Variants in IPO5 observed in about 807,000 individuals in gnomAD.
The protein encoded by IPO5 is importin-5.
In IPO5, 18 loss-of-function variants were observed where a neutral mutation model predicts 143.3. That is an observed-to-expected ratio of 0.13 (90% CI 0.09 to 0.19). The LOEUF is 0.19. IPO5 is among the 10% of genes least tolerant of loss of function. The probability of loss-of-function intolerance (pLI) is 1.00; values close to 1 mark genes in which losing one functional copy is unlikely to be tolerated. For synonymous variants in IPO5, 477 were observed against 465.7 expected (o/e 1.02, Z -0.31); for missense variants, 1,013 against 1,336.9 (o/e 0.76, Z 3.78).
chr13:98,015,060 A>G (rs370473222), intron 22 of IPO5, among the ~76,000 whole-genome samples: 204 of 152,130 alleles, frequency 1.3e-3, no homozygotes, highest in African/African-American at 4.7e-3. Flanking sequence ...GTTTCTCAGC[A>G]TCTTTATATG....
intron 6 of IPO5, among the ~76,000 whole-genome samples, chr13:97,988,526 G>A (rs571319606): frequency 2.1e-4 from 32 of 152,318 alleles, no homozygotes; most frequent in Middle Eastern, 3.4e-3. Context: ...GGTGGCTCAC[G>A]CCTGTAATCC....
intron 22 of IPO5, among the ~76,000 whole-genome samples, chr13:98,014,528 T>G (rs943690106): frequency 3.3e-5 from 5 of 152,258 alleles, no homozygotes; most frequent in African/African-American, 1.2e-4. Flanking sequence ...GTGCTGGGAT[T>G]GCAGATGTAA....
chr13:98,012,427 T>C, intron 21 of IPO5, 85 bp downstream of exon 21: 1 of 826,232 alleles, frequency 1.2e-6, no homozygotes, highest in Non-Finnish European at 2.1e-6. Flanking sequence ...TTGACTGAAG[T>C]AGACTTCACC....
At position 97,968,033 on chromosome 13, in the gene IPO5, C is replaced by G. The variant is rs1347828959; in HGVS notation, c.-112-1690C>G. On this transcript the variant is annotated intron_variant, in intron 2 of 28. Coordinates refer to ENST00000651721, the MANE Select transcript of IPO5 (RefSeq NM_002271.6). ...AATGCAGTGGTGCGATCATTGCTCA[C>G]TGTAACTTTGAATTCCTGGGCTCAA... is the stretch of plus-strand genomic sequence containing the variant. Among the ~76,000 whole-genome samples the G allele has an allele frequency of 3.3e-5, 5 of 152,154 alleles. No individual in the cohort carries two copies. In the East Asian group the frequency reaches 9.6e-4, roughly 29 times the overall value.
At chr13:97,972,107 T>C (rs1234426529) in intron 3 of IPO5, among the ~76,000 whole-genome samples, 1 of 152,148 alleles carries the variant, frequency 6.6e-6, no homozygotes. Flanking sequence ...TCATAATAAA[T>C]TGTGATATCA....
intron 2 of IPO5, among the ~76,000 whole-genome samples, chr13:97,954,769 A>C (rs985309120): frequency 2.0e-5 from 3 of 152,226 alleles, no homozygotes; most frequent in African/African-American, 7.2e-5. Context: ...CCTTTATTAT[A>C]GAATGTTTAA....
At chr13:97,966,797 G>A (rs1279922406) in intron 2 of IPO5, among the ~76,000 whole-genome samples, 2 of 152,208 alleles carry the variant, frequency 1.3e-5, no homozygotes, top group South Asian at 2.1e-4. Flanking sequence ...AAAGCACTTT[G>A]AGAGGCCGAG....
At chr13:97,983,786 C>T (rs1887065279) in intron 5 of IPO5, among the ~76,000 whole-genome samples, 1 of 151,886 alleles carries the variant, frequency 6.6e-6, no homozygotes, top group Non-Finnish European at 1.5e-5. Flanking sequence ...CTGACTTCTT[C>T]CAGTCAGTCA....
intron 2 of IPO5, among the ~76,000 whole-genome samples, chr13:97,964,709 A>C (rs1885172125): frequency 6.6e-6 from 1 of 151,612 alleles, no homozygotes; most frequent in South Asian, 2.1e-4. Context: ...TCAGCCTCCC[A>C]AAGTGCTGGG....
intron 4 of IPO5, among the ~76,000 whole-genome samples, chr13:97,980,363 C>T (rs1270813835): frequency 6.6e-6 from 1 of 152,170 alleles, no homozygotes; most frequent in Non-Finnish European, 1.5e-5. Context: ...ACTAAACTCT[C>T]CCACCATTGG....
chr13:97,995,434 G>A (rs1032690245), intron 11 of IPO5, among the ~76,000 whole-genome samples: 9 of 151,522 alleles, frequency 5.9e-5, no homozygotes, highest in Admixed American at 5.3e-4. Flanking sequence ...ATTTCTATGG[G>A]GAAAAAAATT....
intron 27 of IPO5, among the ~76,000 whole-genome samples, chr13:98,020,334 A>T (rs1452305428): frequency 2.0e-5 from 3 of 152,320 alleles, no homozygotes; most frequent in African/African-American, 7.2e-5. Flanking sequence ...AACCACTGCC[A>T]CTATTGTAGC....
At chr13:97,983,346 A>G (rs532170456) in intron 5 of IPO5, among the ~76,000 whole-genome samples, 2 of 152,356 alleles carry the variant, frequency 1.3e-5, no homozygotes, top group South Asian at 2.1e-4. Flanking sequence ...TACTAAAGAT[A>G]TACTTAGGAA....
chr13:97,995,521 C>T (rs909263858), intron 11 of IPO5, among the ~76,000 whole-genome samples: 8 of 151,866 alleles, frequency 5.3e-5, no homozygotes, highest in South Asian at 2.1e-4. Flanking sequence ...TTTGGGAGGC[C>T]GAGGCAGGTG....
intron 2 of IPO5, among the ~76,000 whole-genome samples, chr13:97,955,745 A>G (rs1884410271): frequency 6.6e-6 from 1 of 152,152 alleles, no homozygotes; most frequent in African/African-American, 2.4e-5. Context: ...GATCACAGCT[A>G]GTTAAGGGGG....
At chr13:97,988,975 A>G in intron 6 of IPO5, 87 bp from the exon 7 acceptor site, 1 of 692,392 alleles carries the variant, frequency 1.4e-6, no homozygotes, top group Non-Finnish European at 2.5e-6. Flanking sequence ...CCAGGTTTGA[A>G]TGAGGCTTAT....
intron 25 of IPO5, 29 bp downstream of exon 25, chr13:98,016,880 T>C: frequency 6.8e-7 from 1 of 1,464,298 alleles, no homozygotes; most frequent in Non-Finnish European, 9.0e-7. Context: ...AATAGTTGTT[T>C]TGCGTAGTTT....
At chr13:98,015,046 TAC>T (rs1019933634) in intron 22 of IPO5, among the ~76,000 whole-genome samples, 2 of 152,188 alleles carry the variant, frequency 1.3e-5, no homozygotes, top group African/African-American at 4.8e-5. Context: ...ATTGAAGATT[TAC>T]AGTTTCTCAG....
chr13:97,987,964 A>G, intron 6 of IPO5: 1 of 275,388 alleles, frequency 3.6e-6, no homozygotes, highest in Non-Finnish European at 8.0e-6. Context: ...TTTTTTTTTA[A>G]GCTGCTATTT....
Sources: allele counts gnomAD v4.1 joint callset (sites outside exome capture counted in the v4.1 genomes callset), GRCh38; gene constraint gnomAD v4.1.1; transcripts MANE v1.5; gene names NCBI Gene and HGNC (gene_info 2026-07-23, HGNC 2026-07-21).